Variants in CELF1 observed in about 807,000 individuals in gnomAD.
The protein encoded by CELF1 is 50 kDa nuclear polyadenylated RNA-binding protein.
CELF1 carries 10 observed loss-of-function variants against 61.8 expected under a neutral mutation model. The observed-to-expected ratio is 0.16, with a 90% CI of 0.10 to 0.27. CELF1 has a LOEUF of 0.27. Ranked by LOEUF, CELF1 falls within the 10% of genes least tolerant of loss-of-function variation. The probability of loss-of-function intolerance (pLI) is 1.00; values close to 1 mark genes in which losing one functional copy is unlikely to be tolerated. For missense variants in CELF1, 380 were observed against 639.1 expected (o/e 0.59, Z 4.37); for synonymous variants, 236 against 225.1 (o/e 1.05, Z -0.43).
At chr11:47,563,705 A>C (rs1565924246) in intron 2 of CELF1, among the ~76,000 whole-genome samples, 1 of 152,148 alleles carries the variant, frequency 6.6e-6, no homozygotes, top group African/African-American at 2.4e-5. Flanking sequence ...AAAATATAAA[A>C]AAAAGAAAAT....
intron 1 of CELF1, among the ~76,000 whole-genome samples, chr11:47,535,436 T>C (rs1179300523): frequency 1.4e-4 from 22 of 152,052 alleles, no homozygotes; most frequent in Admixed American, 1.4e-3. Context: ...CCCAGCACTT[T>C]GGGAGGCCGA....
intron 9 of CELF1, among the ~76,000 whole-genome samples, chr11:47,480,024 C>A (rs1165151272): frequency 6.6e-6 from 1 of 151,960 alleles, no homozygotes; most frequent in Non-Finnish European, 1.5e-5. Flanking sequence ...TCCACATAGT[C>A]CAGAAAGAAC....
At chr11:47,477,041 T>A (rs1288568113) in intron 11 of CELF1, 82 bp from the exon 12 acceptor site, 3 of 1,225,814 alleles carry the variant, frequency 2.4e-6, no homozygotes, top group Admixed American at 1.8e-5. Flanking sequence ...TATCCAAGTA[T>A]GCTATTTGTA....
In CELF1 at chr11:47,512,011, G is replaced by A. The variant is rs1402680760; in HGVS notation, c.-153-11079C>T. On this transcript the variant is annotated intron_variant, in intron 1 of 14. Transcript: ENST00000687097. Reference sequence around the variant, plus strand: ...CTACAGGCACAAGCCATCATGCCCAGCTAATGTTTTGTATTTTCAGCAGAA... The same window carrying A: ...CTACAGGCACAAGCCATCATGCCCAACTAATGTTTTGTATTTTCAGCAGAA... 2.0e-5 allele frequency among the ~76,000 whole-genome samples: 3 copies of A among 152,040 alleles called. No homozygotes were observed. The East Asian group carries it at 5.8e-4, about 29-fold the overall frequency.
chr11:47,480,278 G>A (rs1380070323), intron 9 of CELF1, among the ~76,000 whole-genome samples: 2 of 152,080 alleles, frequency 1.3e-5, no homozygotes, highest in Admixed American at 1.3e-4. Flanking sequence ...GTAGAGACGG[G>A]GTTTCACCAT....
intron 1 of CELF1, among the ~76,000 whole-genome samples, chr11:47,501,902 A>G (rs936226303): frequency 2.6e-5 from 4 of 152,194 alleles, no homozygotes; most frequent in African/African-American, 9.6e-5. Context: ...TGTGTTTTTA[A>G]TATTTCCTAA....
In CELF1 at chr11:47,483,488, C is replaced by A; in HGVS notation, c.571G>T (p.Ala191Ser). Residue 191 changes from alanine (A) to serine (S), a missense_variant, in exon 8 of 15, where the codon GCT becomes TCT. By Grantham distance (99) the Ala-to-Ser change is moderately conservative. Coordinates refer to ENST00000687097, the MANE Select transcript of CELF1 (RefSeq NM_001376376.1). ...TFTTRAMAQT[A>S]IKAMHQAQTM... ...TGTGCTTGGTGCATTGCCTTGATAGCCGTCTGTGCCATGGCTCTTGTTGTA... is the reference window on the plus strand; with the variant it reads ...TGTGCTTGGTGCATTGCCTTGATAGACGTCTGTGCCATGGCTCTTGTTGTA... 2 of 1,614,070 alleles carry A rather than the reference C, an allele frequency of 1.2e-6. No individual in the cohort carries two copies. The highest frequency in any genetic ancestry group is 1.7e-6 in the Non-Finnish European group (2 of 1,179,964).
Position 47,553,107 on chromosome 11 carries a change from C to G in CELF1, c.-269G>C, listed in dbSNP as rs529305740. The G allele has an allele frequency of 1.0e-5, 4 of 398,288 alleles. No homozygotes were observed. The East Asian group carries it at 1.4e-4, about 14-fold the overall frequency. 24.7% of individuals were successfully genotyped at this position (398,288 alleles called of 1,614,324 possible). On this transcript the variant is annotated 5_prime_UTR_variant, in exon 1 of 15. Transcript: ENST00000687097. ...GGGGAGCCTCCGCGTCCCGCCGCCG[C>G]TGCCGCTGCCGCCAGAGCAGAACAC...
intron 1 of CELF1, among the ~76,000 whole-genome samples, chr11:47,505,350 T>TA: frequency 6.6e-6 from 1 of 151,376 alleles, no homozygotes; most frequent in South Asian, 2.1e-4. Context: ...ATCAGTATGT[T>TA]AGGCCAGGCA....
chr11:47,562,701 T>G (rs1433553151), intron 2 of CELF1, among the ~76,000 whole-genome samples: 1 of 151,132 alleles, frequency 6.6e-6, no homozygotes, highest in African/African-American at 2.4e-5. Context: ...AGTTTTTTTT[T>G]GTTTTGTTTT....
chr11:47,538,336 C>T (rs1275405919), intron 1 of CELF1, among the ~76,000 whole-genome samples: 1 of 152,094 alleles, frequency 6.6e-6, no homozygotes, highest in African/African-American at 2.4e-5. Context: ...TGGCTGTGTA[C>T]CAGGTTGTAT....
rs533847385 is a variant in CELF1 at position 47,472,108 on chromosome 11, A to C, written c.*122T>G. 8.5e-7 allele frequency: 1 copy of C among 1,174,866 alleles called. No homozygotes were observed. The highest frequency in any genetic ancestry group is 1.5e-5 in the African/African-American group (1 of 65,796). The allele number at this position is 1,174,866 out of a possible 1,614,324, so 72.8% of individuals were successfully genotyped here. On this transcript the variant is annotated 3_prime_UTR_variant, in exon 15 of 15. Coordinates refer to ENST00000687097, the MANE Select transcript of CELF1 (RefSeq NM_001376376.1). The stretch of plus-strand genomic sequence containing the variant: ...GTCTTCAGGGCAAGCTGTGCCTGCG[A>C]GAGTGGCAGGGATCAGGGTCCAGGG...
At chr11:47,508,086 C>T (rs2094671696) in intron 1 of CELF1, among the ~76,000 whole-genome samples, 1 of 152,094 alleles carries the variant, frequency 6.6e-6, no homozygotes, top group Non-Finnish European at 1.5e-5. Flanking sequence ...AGATAACCTG[C>T]CCGTGGCTTC....
chr11:47,559,724 G>A (rs1356922744), intron 2 of CELF1, among the ~76,000 whole-genome samples: 4 of 152,164 alleles, frequency 2.6e-5, no homozygotes, highest in African/African-American at 9.7e-5. Flanking sequence ...AGCAGAGGCC[G>A]GGCGCAGTGG....
intron 1 of CELF1, among the ~76,000 whole-genome samples, chr11:47,503,967 G>A (rs934351862): frequency 6.6e-6 from 1 of 152,072 alleles, no homozygotes; most frequent in African/African-American, 2.4e-5. Flanking sequence ...TCAAGCCCAG[G>A]AGTTTGAGAC....
upstream of CELF1, among the ~76,000 whole-genome samples, chr11:47,555,449 CAAGGGAGGAACTTGT>C (rs1382946783): frequency 6.6e-6 from 1 of 152,140 alleles, no homozygotes; most frequent in Non-Finnish European, 1.5e-5. Context: ...CTCCCATTTG[CAAGGGAGGAACTTGT>C]AAGGTATTAA....
intron 1 of CELF1, among the ~76,000 whole-genome samples, chr11:47,551,720 G>C (rs551492381): frequency 6.6e-6 from 1 of 152,216 alleles, no homozygotes; most frequent in Non-Finnish European, 1.5e-5. Context: ...AACTTTAAAA[G>C]GTGAAGTTCC....
intron 3 of CELF1, among the ~76,000 whole-genome samples, chr11:47,492,044 C>T (rs1382502662): frequency 6.6e-6 from 1 of 152,150 alleles, no homozygotes; most frequent in African/African-American, 2.4e-5. Context: ...GTGGCATGAC[C>T]ACAGCTAACT....
In CELF1 at chr11:47,473,228, G is replaced by A. The variant is rs2078432379; in HGVS notation, c.1277C>T (p.Pro426Leu). The A allele has an allele frequency of 6.2e-7, 1 of 1,611,030 alleles. No individual in the cohort carries two copies. Among genetic ancestry groups the A allele is most frequent in the African/African-American group, 1.3e-5 (1 of 74,670 alleles). Reference protein sequence around the residue: ...IGAAGSQKEGPEGANLFIYHL... With the variant: ...IGAAGSQKEGLEGANLFIYHL... The stretch of plus-strand genomic sequence containing the variant: ...GTAGATGAACAGGTTGGCTCCCTCT[G>A]GACCTTCAAAATACCCAGGAATTGG... The change falls in exon 14 of 15, where the codon CCA becomes CTA. Residue 426 changes from proline to leucine, a missense_variant. Pro to Leu is a moderately conservative substitution (Grantham distance 98). Coordinates refer to ENST00000687097, the MANE Select transcript of CELF1 (RefSeq NM_001376376.1).
Sources: allele counts gnomAD v4.1 joint callset (sites outside exome capture counted in the v4.1 genomes callset), GRCh38; gene constraint gnomAD v4.1.1; transcripts MANE v1.5; gene names NCBI Gene and HGNC (gene_info 2026-07-23, HGNC 2026-07-21).